The following DCC variants were observed in gnomAD, a reference collection of about 807,000 sequenced individuals.
The protein encoded by DCC is DCC netrin 1 receptor.
A neutral mutation model predicts 172.5 loss-of-function variants in DCC; 58 were observed. The observed-to-expected ratio is 0.34, with a 90% confidence interval of 0.27 to 0.42. The LOEUF is 0.42. Ranked by LOEUF, DCC falls within the 10% of genes least tolerant of loss-of-function variation. DCC has a pLI of 1.00. For missense variants in DCC, 1,740 were observed against 1,791.0 expected, an observed-to-expected ratio of 0.97 and a Z score of 0.51; for synonymous variants, 709 against 644.5, an observed-to-expected ratio of 1.10 and a Z score of -1.52.
intron 7 of DCC, among the ~76,000 whole-genome samples, chr18:53,105,409 G>T (rs1388449534): frequency 6.6e-6 from 1 of 152,000 alleles, no homozygotes; most frequent in Non-Finnish European, 1.5e-5. Flanking sequence ...TAGTCACAGA[G>T]TGTTTAGCCC....
At chr18:52,380,189 A>G (rs1985525642) in intron 1 of DCC, among the ~76,000 whole-genome samples, 2 of 152,008 alleles carry the variant, frequency 1.3e-5, no homozygotes, top group African/African-American at 4.8e-5. Flanking sequence ...ACTTCCCCAA[A>G]AGCCTATCTC....
chr18:52,681,286 C>T (rs2035746498), intron 1 of DCC, among the ~76,000 whole-genome samples: 1 of 152,040 alleles, frequency 6.6e-6, no homozygotes, highest in Admixed American at 6.6e-5. Context: ...ACTCCCTTAT[C>T]CTCCGTCCAT....
intron 13 of DCC, among the ~76,000 whole-genome samples, chr18:53,318,905 G>T (rs1483187261): frequency 6.6e-6 from 1 of 152,156 alleles, no homozygotes; most frequent in Non-Finnish European, 1.5e-5. Context: ...CAGACTAATA[G>T]CAGATCTCTC....
chr18:52,523,971 T>G (rs563185179), intron 1 of DCC, among the ~76,000 whole-genome samples: 1 of 152,346 alleles, frequency 6.6e-6, no homozygotes, highest in African/African-American at 2.4e-5. Flanking sequence ...CTTCCTGCTC[T>G]TCTCAATTAA....
At chr18:53,022,265 A>C (rs2041891483) in intron 5 of DCC, among the ~76,000 whole-genome samples, 1 of 152,104 alleles carries the variant, frequency 6.6e-6, no homozygotes, top group Non-Finnish European at 1.5e-5. Flanking sequence ...GGTTGAGAAC[A>C]TATGCTTTAG....
chr18:53,398,570 T>C (rs1909101454), intron 18 of DCC, among the ~76,000 whole-genome samples: 1 of 152,116 alleles, frequency 6.6e-6, no homozygotes, highest in South Asian at 2.1e-4. Flanking sequence ...TGAAAGGAGA[T>C]GAATGTAGAT....
At chr18:52,956,361 A>G (rs1312381603) in intron 5 of DCC, among the ~76,000 whole-genome samples, 1 of 152,026 alleles carries the variant, frequency 6.6e-6, no homozygotes, top group Non-Finnish European at 1.5e-5. Flanking sequence ...TCAATGATCA[A>G]TTGACTACAT....
intron 12 of DCC, among the ~76,000 whole-genome samples, chr18:53,292,397 A>G (rs1450500422): frequency 6.6e-6 from 1 of 152,142 alleles, no homozygotes; most frequent in African/African-American, 2.4e-5. Context: ...TTTAAAAAAA[A>G]CCACCTCAGC....
chr18:53,374,325 G>A (rs2144964639), intron 15 of DCC, among the ~76,000 whole-genome samples: 1 of 152,250 alleles, frequency 6.6e-6, no homozygotes, highest in Admixed American at 6.5e-5. Context: ...TTAGTAGATT[G>A]CCTTAATTGG....
intron 2 of DCC, among the ~76,000 whole-genome samples, chr18:52,888,916 T>TAC (rs1327613657): frequency 1.3e-5 from 2 of 152,030 alleles, no homozygotes; most frequent in Non-Finnish European, 2.9e-5. Flanking sequence ...TATCTATATA[T>TAC]ACACACACAT....
chr18:53,444,240 T>A (rs1196454000), intron 22 of DCC, among the ~76,000 whole-genome samples: 1 of 152,204 alleles, frequency 6.6e-6, no homozygotes, highest in Non-Finnish European at 1.5e-5. Flanking sequence ...ATTGTTTTCT[T>A]ATTTTAAGAG....
chr18:52,983,273 C>G (rs1369234909), intron 5 of DCC, among the ~76,000 whole-genome samples: 3 of 152,096 alleles, frequency 2.0e-5, no homozygotes, highest in Admixed American at 2.0e-4. Flanking sequence ...AAGACATTTA[C>G]AAGACAAAGG....
chr18:52,545,607 A>G (rs542562346), intron 1 of DCC, among the ~76,000 whole-genome samples: 1 of 152,336 alleles, frequency 6.6e-6, no homozygotes, highest in East Asian at 1.9e-4. Flanking sequence ...TACCCGGATA[A>G]TAGTATAAAT....
chr18:52,404,985 C>A (rs931351432), intron 1 of DCC, among the ~76,000 whole-genome samples: 1 of 151,926 alleles, frequency 6.6e-6, no homozygotes, highest in Non-Finnish European at 1.5e-5. Context: ...CTACAAAGGA[C>A]ATGAGCTCAT....
intron 16 of DCC, 51 bp downstream of exon 16, chr18:53,386,189 G>GA (rs1305198782): frequency 3.4e-6 from 4 of 1,191,036 alleles, no homozygotes; most frequent in Non-Finnish European, 5.0e-6. Context: ...GATTTATGGT[G>GA]AAAAAAGAAA....
At chr18:52,374,133 C>T (rs1485637310) in intron 1 of DCC, among the ~76,000 whole-genome samples, 1 of 152,054 alleles carries the variant, frequency 6.6e-6, no homozygotes, top group East Asian at 1.9e-4. Flanking sequence ...ACCTCGTGAT[C>T]TGCCTGCCTC....
intron 7 of DCC, among the ~76,000 whole-genome samples, chr18:53,123,783 T>C (rs1042717625): frequency 6.6e-6 from 1 of 152,132 alleles, no homozygotes; most frequent in African/African-American, 2.4e-5. Context: ...CTCCCCTCTG[T>C]GATTATGGCA....
intron 18 of DCC, among the ~76,000 whole-genome samples, chr18:53,398,462 C>G (rs17506154): frequency 0.42 from 64,408 of 151,872 alleles, 15,436 homozygotes; most frequent in Non-Finnish European, 0.55. Context: ...CCTGAATGCA[C>G]AATGTTCACA....
intron 2 of DCC, among the ~76,000 whole-genome samples, chr18:52,851,575 A>G (rs913662940): frequency 2.0e-5 from 3 of 152,058 alleles, no homozygotes; most frequent in African/African-American, 7.2e-5. Context: ...TCCATTTATC[A>G]TTTCCTGAAA....
Sources: gnomAD v4.1 joint callset for allele counts (sites outside exome capture counted in the v4.1 genomes callset) on GRCh38, gnomAD v4.1.1 for gene constraint, MANE v1.5 for transcripts, NCBI Gene and HGNC (gene_info 2026-07-23, HGNC 2026-07-21) for gene names.